Variants in MYO5B observed in about 807,000 individuals in gnomAD.
The protein encoded by MYO5B is unconventional myosin-Vb.
A neutral mutation model predicts 229.3 loss-of-function variants in MYO5B; 143 were observed. The observed-to-expected ratio is 0.62, with a 90% confidence interval of 0.54 to 0.72. The LOEUF (loss-of-function observed/expected upper bound fraction) is 0.72, where lower values mean the gene tolerates loss of function less well. MYO5B is among the 30% of genes least tolerant of loss of function. The pLI is 0.00. For missense variants in MYO5B, 2,321 were observed against 2,331.0 expected, an observed-to-expected ratio of 1.00 and a Z score of 0.09; for synonymous variants, 918 against 885.2, an observed-to-expected ratio of 1.04 and a Z score of -0.66.
intron 1 of MYO5B, among the ~76,000 whole-genome samples, chr18:50,170,858 GAA>G (rs2032911459): frequency 7.8e-6 from 1 of 128,004 alleles, no homozygotes; most frequent in South Asian, 2.7e-4. Flanking sequence ...GAGTAAACAG[GAA>G]AAGAGACATT....
intron 30 of MYO5B, among the ~76,000 whole-genome samples, chr18:49,855,388 T>C (rs2024250601): frequency 6.6e-6 from 1 of 152,228 alleles, no homozygotes; most frequent in African/African-American, 2.4e-5. Flanking sequence ...ACCAGGACTC[T>C]TGATTCATAG....
intron 4 of MYO5B, among the ~76,000 whole-genome samples, chr18:50,008,666 T>C (rs1382362336): frequency 3.3e-5 from 5 of 152,132 alleles, no homozygotes; most frequent in East Asian, 3.9e-4. Context: ...ACACACACTA[T>C]GGTTGCAAAA....
rs79174337 is a variant in MYO5B at position 49,936,481 on chromosome 18, C to G, written c.1906-132G>C. The G allele has an allele frequency of 1.4e-3, 1,066 of 758,066 alleles. 9 individuals carry two copies. The highest frequency in any genetic ancestry group is 0.014 in the African/African-American group (808 of 57,610). The allele number at this position is 758,066 out of a possible 1,614,324, so 47.0% of individuals were successfully genotyped here. ...TAATCCAGAAGGATGGAAGAAATTT[C>G]AGAGACCTGGGGTAAGATTCCAGCT... On this transcript the variant is annotated intron_variant, in intron 15 of 39. Coordinates refer to ENST00000285039, the MANE Select transcript of MYO5B (RefSeq NM_001080467.3).
rs192374174 is a variant in MYO5B, at chr18:49,872,270, G to T, written c.3538-38C>A. 5.0e-6 allele frequency: 8 copies of T among 1,601,172 alleles called. No individual in the cohort carries two copies. The African/African-American group carries it at 1.1e-4, about 21-fold the overall frequency. Reference sequence around the variant, plus strand: ...AGACACAAAGATAAGTGCAGACCTCGAGCAAGATATTCCACAGAGGTGTTT... The same window carrying T: ...AGACACAAAGATAAGTGCAGACCTCTAGCAAGATATTCCACAGAGGTGTTT... On this transcript the variant is annotated intron_variant, in intron 26 of 39. Coordinates refer to ENST00000285039, the MANE Select transcript of MYO5B (RefSeq NM_001080467.3).
intron 31 of MYO5B, chr18:49,849,888 A>C (rs1456398847): frequency 7.3e-6 from 4 of 550,406 alleles, no homozygotes; most frequent in Non-Finnish European, 1.3e-5. Context: ...TCAAGGCAAG[A>C]CTCCTCCCAG....
chr18:50,088,091 A>C (rs1036473445), intron 1 of MYO5B, among the ~76,000 whole-genome samples: 1 of 152,188 alleles, frequency 6.6e-6, no homozygotes, highest in Non-Finnish European at 1.5e-5. Flanking sequence ...CAGGGAAAGA[A>C]GCCAGCACCT....
intron 1 of MYO5B, among the ~76,000 whole-genome samples, chr18:50,174,399 G>A (rs977320601): frequency 6.6e-6 from 1 of 152,130 alleles, no homozygotes; most frequent in African/African-American, 2.4e-5. Flanking sequence ...ACCAACACCA[G>A]GATGTCATGT....
intron 2 of MYO5B, 38 bp downstream of exon 2, chr18:50,055,230 A>ACCC: frequency 1.2e-5 from 3 of 258,402 alleles, no homozygotes; most frequent in Admixed American, 4.6e-5. Flanking sequence ...TCCCTGCCCC[A>ACCC]CCTCACCCCC....
chr18:49,955,023 T>A lies in MYO5B; in HGVS notation c.1546-588A>T, dbSNP rs1161800754. On this transcript the variant is annotated intron_variant, in intron 12 of 39. Transcript: ENST00000285039. ...CCTAGAATATTGTGCACCCCTGAGTTTTGGGTTTCATCACTACAAACTGTA... is the reference window on the plus strand; with the variant it reads ...CCTAGAATATTGTGCACCCCTGAGTATTGGGTTTCATCACTACAAACTGTA... 2.0e-5 allele frequency among the ~76,000 whole-genome samples: 3 copies of A among 152,148 alleles called. No individual in the cohort carries two copies. In the South Asian group the frequency reaches 6.2e-4, roughly 32 times the overall value.
intron 1 of MYO5B, among the ~76,000 whole-genome samples, chr18:50,159,361 T>C (rs1258043266): frequency 6.6e-6 from 1 of 152,216 alleles, no homozygotes; most frequent in Middle Eastern, 3.2e-3. Context: ...ATCTCTCAGA[T>C]ACCAATCCCC....
At chr18:49,905,323 C>T (rs1344025075) in intron 19 of MYO5B, among the ~76,000 whole-genome samples, 1 of 152,156 alleles carries the variant, frequency 6.6e-6, no homozygotes, top group Non-Finnish European at 1.5e-5. Context: ...ATCTCTGTTT[C>T]CTTTATCTCC....
In MYO5B at chr18:50,170,365, C is replaced by T. The variant is rs2032907012; in HGVS notation, c.27+24402G>A. Among the ~76,000 whole-genome samples the T allele has an allele frequency of 1.6e-5, 2 of 127,306 alleles. 1 individual carries two copies. Among genetic ancestry groups the T allele is most frequent in the Admixed American group, 1.7e-4 (2 of 11,828 alleles). 83.5% of individuals were successfully genotyped at this position (127,306 alleles called of 152,430 possible). A position where few individuals can be genotyped will look rare whatever the true frequency, so the allele number is the denominator to read the frequency against. On this transcript the variant is annotated intron_variant, in intron 1 of 39. Coordinates refer to ENST00000285039, the MANE Select transcript of MYO5B (RefSeq NM_001080467.3). ...TGACTAGACCACCACAAGAACACCG[C>T]CTCTATGAGAAAGATCCTAGATGCT...
chr18:50,001,557 T>C, intron 4 of MYO5B, 146 bp from the exon 5 acceptor site: 1 of 1,034,716 alleles, frequency 9.7e-7, no homozygotes, highest in Non-Finnish European at 1.5e-6. Flanking sequence ...GTAAAAATAG[T>C]CTGCCCTCCC....
chr18:50,026,359 C>T (rs1386376783), intron 4 of MYO5B, among the ~76,000 whole-genome samples: 1 of 152,228 alleles, frequency 6.6e-6, no homozygotes, highest in Admixed American at 6.5e-5. Context: ...TCTGGGGCTG[C>T]TCAGCCACTA....
intron 7 of MYO5B, among the ~76,000 whole-genome samples, chr18:49,987,527 A>C (rs898386950): frequency 2.5e-4 from 38 of 152,130 alleles, no homozygotes; most frequent in African/African-American, 8.9e-4. Context: ...GAAATGTACC[A>C]CAAACCTCCT....
intron 2 of MYO5B, among the ~76,000 whole-genome samples, chr18:50,052,739 TAC>T (rs1416586993): frequency 3.3e-5 from 5 of 151,500 alleles, no homozygotes; most frequent in Admixed American, 6.6e-5. Flanking sequence ...AATTTTATGC[TAC>T]ATATATTTTA....
At chr18:49,953,079 G>A (rs1266028096) in intron 14 of MYO5B, among the ~76,000 whole-genome samples, 181 bp downstream of exon 14, 1 of 152,054 alleles carries the variant, frequency 6.6e-6, no homozygotes, top group East Asian at 1.9e-4. Context: ...GACAAGATTG[G>A]ACACATTCAC....
chr18:50,069,183 A>T (rs1375586251), intron 1 of MYO5B, among the ~76,000 whole-genome samples: 5 of 152,118 alleles, frequency 3.3e-5, no homozygotes, highest in African/African-American at 1.2e-4. Context: ...AAAAAAAAAT[A>T]GCAATAATAA....
Position 49,826,630 on chromosome 18 carries a change from GGAA to G in MYO5B, c.5395-10_5395-8del. On this transcript the variant is annotated splice_region_variant and splice_polypyrimidine_tract_variant and intron_variant, in intron 39 of 39. Transcript: ENST00000285039. The stretch of plus-strand genomic sequence containing the variant: ...TCCGCTCTTGTAGTTGTGCCTATGG[GGAA>G]GAATAAGACCATGTAAAGTTTGAGT... 6.2e-7 allele frequency: 1 copy of G among 1,612,636 alleles called. No individual in the cohort carries two copies. The highest frequency in any genetic ancestry group is 2.0e-4 in the Middle Eastern group (1 of 5,072).
Sources: gnomAD v4.1 joint callset for allele counts (sites outside exome capture counted in the v4.1 genomes callset) on GRCh38, gnomAD v4.1.1 for gene constraint, MANE v1.5 for transcripts, NCBI Gene and HGNC (gene_info 2026-07-23, HGNC 2026-07-21) for gene names.